Variants in MGRN1 observed in about 807,000 individuals in gnomAD.
MGRN1 encodes the protein mahogunin ring finger 1, also known as E3 ubiquitin-protein ligase MGRN1.
In MGRN1, 29 loss-of-function variants were observed where a neutral mutation model predicts 69.2. The ratio of observed to expected loss-of-function variants is 0.42; its 90% confidence interval spans 0.31 to 0.57. MGRN1 has a LOEUF of 0.57. MGRN1 is among the 20% of genes least tolerant of loss of function. The probability of loss-of-function intolerance (pLI) is 0.15; values close to 1 mark genes in which losing one functional copy is unlikely to be tolerated. For missense variants in MGRN1, 998 were observed against 796.2 expected, an observed-to-expected ratio of 1.25 and a Z score of -3.05; for synonymous variants, 470 against 344.2, an observed-to-expected ratio of 1.37 and a Z score of -4.04.
chr16:4,670,453 AGCTGGTCTCAAACT>A (rs1487183785), intron 8 of MGRN1, among the ~76,000 whole-genome samples: 1 of 152,220 alleles, frequency 6.6e-6, no homozygotes, highest in East Asian at 1.9e-4. Context: ...ATGTTGGCCA[AGCTGGTCTCAAACT>A]TTTGGGCTCA....
intron 5 of MGRN1, among the ~76,000 whole-genome samples, chr16:4,662,040 C>T (rs1278943477): frequency 2.0e-5 from 3 of 152,180 alleles, no homozygotes; most frequent in African/African-American, 7.2e-5. Context: ...TGTCCATGTC[C>T]ACATAGCCTC....
At chr16:4,647,542 T>C (rs1170216863) in intron 1 of MGRN1, among the ~76,000 whole-genome samples, 1 of 152,258 alleles carries the variant, frequency 6.6e-6, no homozygotes, top group African/African-American at 2.4e-5. Flanking sequence ...CCTGGCAGCC[T>C]TGTGGGCGTG....
chr16:4,673,612 G>A lies in MGRN1; in HGVS notation c.910G>A (p.Asp304Asn), dbSNP rs1033095057. Residue 304 changes from aspartate (D) to asparagine (N), a missense_variant, in exon 10 of 17, where the codon GAC (aspartate) becomes AAC (asparagine). Transcript: ENST00000262370. ...RHLCLCTSCA[D>N]TLRYQANNCP... ...CCTGTGCCTCTGTACCTCCTGCGCC[G>A]ACACGCTGCGCTACCAGGCCAACAA... is the stretch of plus-strand genomic sequence containing the variant. 6.2e-7 allele frequency: 1 copy of A among 1,613,584 alleles called. No homozygotes were observed. Among genetic ancestry groups the A allele is most frequent in the Non-Finnish European group, 8.5e-7 (1 of 1,179,900 alleles).
At chr16:4,656,437 C>G (rs1284636972) in intron 4 of MGRN1, among the ~76,000 whole-genome samples, 1 of 152,218 alleles carries the variant, frequency 6.6e-6, no homozygotes, top group African/African-American at 2.4e-5. Context: ...AAGAGAGACC[C>G]GCGCTGCATG....
intron 11 of MGRN1, among the ~76,000 whole-genome samples, chr16:4,679,264 C>T (rs989640127): frequency 6.6e-6 from 1 of 152,172 alleles, no homozygotes; most frequent in African/African-American, 2.4e-5. Context: ...TTTTGCCCCT[C>T]CCTGTTTGTG....
intron 13 of MGRN1, 33 bp downstream of exon 13, chr16:4,681,809 G>T (rs1385101712): frequency 1.3e-6 from 2 of 1,592,458 alleles, no homozygotes; most frequent in Non-Finnish European, 1.7e-6. Flanking sequence ...GCATGGCAGG[G>T]TGTGTGGTGG....
chr16:4,652,443 G>T (rs186072084), intron 3 of MGRN1, among the ~76,000 whole-genome samples: 247 of 152,244 alleles, frequency 1.6e-3, no homozygotes, highest in African/African-American at 5.5e-3. Context: ...GAGGCATCTG[G>T]GGCTGTCTCT....
chr16:4,650,156 A>C (rs531795498), intron 1 of MGRN1: 43 of 465,962 alleles, frequency 9.2e-5, no homozygotes, highest in African/African-American at 8.3e-4. Flanking sequence ...TACAAAAATC[A>C]GCTGGGCGTG....
chr16:4,668,392 G>GAC lies in MGRN1; in HGVS notation c.726+87_726+88dup, dbSNP rs370360494. On this transcript the variant is annotated intron_variant, in intron 8 of 16. Transcript: ENST00000262370. Reference sequence around the variant, plus strand: ...TCACTCACACGCATACTCATACATAGACACACACTCATACACACGCACATA... The same window carrying GAC: ...TCACTCACACGCATACTCATACATAGACACACACACTCATACACACGCACATA... The GAC allele has an allele frequency of 3.3e-5, 47 of 1,430,504 alleles. No homozygotes were observed. The East Asian group carries it at 1.1e-3, about 32-fold the overall frequency. 88.6% of individuals were successfully genotyped at this position (1,430,504 alleles called of 1,614,324 possible). A position where few individuals can be genotyped will look rare whatever the true frequency, so the allele number is the denominator to read the frequency against.
chr16:4,657,050 TG>T (rs1246067984), intron 4 of MGRN1, among the ~76,000 whole-genome samples, 195 bp from the exon 5 acceptor site: 1 of 152,122 alleles, frequency 6.6e-6, no homozygotes, highest in Admixed American at 6.6e-5. Flanking sequence ...GAGAGCTGCA[TG>T]GTGAGCAGAG....
At chr16:4,688,719 G>A (rs529676413) in intron 16 of MGRN1, 77 bp from the exon 17 acceptor site, 3 of 1,480,102 alleles carry the variant, frequency 2.0e-6, no homozygotes, top group Admixed American at 2.3e-5. Flanking sequence ...CCCCTCTGGG[G>A]CTCCAGATCG....
chr16:4,678,856 C>T (rs1016800992), intron 11 of MGRN1, among the ~76,000 whole-genome samples: 9 of 152,254 alleles, frequency 5.9e-5, no homozygotes, highest in African/African-American at 2.2e-4. Flanking sequence ...CTAGAAGGCT[C>T]CTCCCAAGCC....
At chr16:4,630,507 G>C (rs1897945414) in intron 1 of MGRN1, among the ~76,000 whole-genome samples, 1 of 151,738 alleles carries the variant, frequency 6.6e-6, no homozygotes, top group Admixed American at 6.6e-5. Flanking sequence ...CTGGAGTGTA[G>C]TGGCATGATC....
At chr16:4,687,954 C>T (rs541599608) in intron 16 of MGRN1, 12 of 985,700 alleles carry the variant, frequency 1.2e-5, no homozygotes, top group East Asian at 2.3e-4. Context: ...CAGACGGCCC[C>T]GGCCTGCGCA....
At chr16:4,633,539 A>G (rs1898114995) in intron 1 of MGRN1, 1 of 149,764 alleles carries the variant, frequency 6.7e-6, no homozygotes, top group African/African-American at 2.5e-5. Context: ...TAAAAATACA[A>G]AATGAGCTGG....
At chr16:4,688,473 A>G (rs927990641) in intron 16 of MGRN1, 3 of 1,127,084 alleles carry the variant, frequency 2.7e-6, no homozygotes, top group African/African-American at 3.2e-5. Flanking sequence ...ATCCCAGGAA[A>G]CCGGAACCAG....
At chr16:4,642,374 G>C (rs146755845) in intron 1 of MGRN1, among the ~76,000 whole-genome samples, 1 of 151,624 alleles carries the variant, frequency 6.6e-6, no homozygotes, top group Non-Finnish European at 1.5e-5. Flanking sequence ...CTCCGCTCAC[G>C]GTAACCTTCG....
chr16:4,661,634 G>C (rs1267064744), intron 5 of MGRN1, among the ~76,000 whole-genome samples: 2 of 152,270 alleles, frequency 1.3e-5, no homozygotes, highest in African/African-American at 4.8e-5. Context: ...CCAGCTCCTG[G>C]CTCCACCCTT....
chr16:4,651,257 G>T (rs1366691443), intron 2 of MGRN1, among the ~76,000 whole-genome samples: 1 of 151,004 alleles, frequency 6.6e-6, no homozygotes, highest in Non-Finnish European at 1.5e-5. Context: ...CGAGTACTGT[G>T]AGCTGTCTGT....
Sources: gnomAD v4.1 joint callset for allele counts (sites outside exome capture counted in the v4.1 genomes callset) on GRCh38, gnomAD v4.1.1 for gene constraint, MANE v1.5 for transcripts, NCBI Gene and HGNC (gene_info 2026-07-23, HGNC 2026-07-21) for gene names.